The following PYGB variants were observed in gnomAD, a reference collection of about 807,000 sequenced individuals.
The protein encoded by PYGB is glycogen phosphorylase B.
Under a neutral mutation model 94.3 loss-of-function variants are expected in PYGB, and 82 were observed. The ratio of observed to expected loss-of-function variants is 0.87; its 90% CI spans 0.73 to 1.04. PYGB has a LOEUF of 1.04. Among genes scored for constraint, PYGB ranks in the 50% least tolerant of loss-of-function variants. PYGB has a pLI of 0.00. For synonymous variants in PYGB, 488 were observed against 479.1 expected, an observed-to-expected ratio of 1.02 and a Z score of -0.24; for missense variants, 1,132 against 1,158.2, an observed-to-expected ratio of 0.98 and a Z score of 0.33.
intron 2 of PYGB, among the ~76,000 whole-genome samples, chr20:25,260,845 T>G (rs1389499719): frequency 6.6e-6 from 1 of 152,204 alleles, no homozygotes; most frequent in Non-Finnish European, 1.5e-5. Context: ...CGCACCAGGC[T>G]CAGAGGGTCC....
At chr20:25,277,538 C>A (rs996750739) in intron 7 of PYGB, among the ~76,000 whole-genome samples, 5 of 152,190 alleles carry the variant, frequency 3.3e-5, no homozygotes, top group African/African-American at 1.2e-4. Flanking sequence ...TCGTGTGCCT[C>A]TTGGCAGCTC....
intron 4 of PYGB, among the ~76,000 whole-genome samples, chr20:25,274,125 T>C (rs1452988289): frequency 2.6e-5 from 4 of 152,242 alleles, no homozygotes. Flanking sequence ...CTGTCTATCT[T>C]GAGAACATTT....
intron 8 of PYGB, 129 bp from the exon 9 acceptor site, chr20:25,278,928 G>A: frequency 1.2e-6 from 1 of 821,852 alleles, no homozygotes; most frequent in Non-Finnish European, 1.9e-6. Flanking sequence ...ACCCCTCCCT[G>A]TTCTCCAGGC....
chr20:25,277,830 A>G (rs991503003), intron 7 of PYGB, among the ~76,000 whole-genome samples: 3 of 152,254 alleles, frequency 2.0e-5, no homozygotes, highest in Non-Finnish European at 2.9e-5. Flanking sequence ...TGCCACCTGC[A>G]TTTAGTGCCC....
At chr20:25,255,695 A>G (rs2092900856) in intron 1 of PYGB, among the ~76,000 whole-genome samples, 1 of 151,750 alleles carries the variant, frequency 6.6e-6, no homozygotes, top group South Asian at 2.1e-4. Context: ...ATCTGCCTGT[A>G]GAATGAGGCT....
chr20:25,287,897 C>T (rs1555807998), intron 14 of PYGB, among the ~76,000 whole-genome samples: 2 of 152,080 alleles, frequency 1.3e-5, no homozygotes, highest in Non-Finnish European at 1.5e-5. Context: ...GGGAGGATTG[C>T]TTGAACCTGG....
intron 17 of PYGB, among the ~76,000 whole-genome samples, chr20:25,293,053 C>A (rs2088485291): frequency 6.6e-6 from 1 of 151,480 alleles, no homozygotes. Flanking sequence ...TTGAGGTTCC[C>A]TGGTCTAAGT....
At chr20:25,278,520 T>G (rs2123566600) in intron 8 of PYGB, 58 bp downstream of exon 8, 1 of 1,595,134 alleles carries the variant, frequency 6.3e-7, no homozygotes, top group Non-Finnish European at 8.6e-7. Flanking sequence ...TTCAGGCTCT[T>G]GAGGTTGCTT....
Position 25,296,482 on chromosome 20 carries a change from C to G in PYGB, c.2492C>G (p.Ser831Cys). The G allele has an allele frequency of 1.9e-6, 3 of 1,613,848 alleles. No individual in the cohort carries two copies. The highest frequency in any genetic ancestry group is 2.5e-6 in the Non-Finnish European group (3 of 1,180,004). ...YAREIWGVEP[S>C]DLQIPPPNIP... The stretch of plus-strand genomic sequence containing the variant: ...CGGGAGATCTGGGGTGTGGAGCCCT[C>G]CGACCTGCAGATCCCGCCCCCCAAC... Residue 831 changes from serine to cysteine, a missense_variant, in exon 20 of 20, where the codon TCC (serine) becomes TGC (cysteine). Coordinates refer to ENST00000216962, the MANE Select transcript of PYGB (RefSeq NM_002862.4).
intron 12 of PYGB, among the ~76,000 whole-genome samples, chr20:25,282,948 C>T (rs1010653723): frequency 2.0e-5 from 3 of 152,094 alleles, no homozygotes; most frequent in South Asian, 4.2e-4. Context: ...TTCCTGTGGA[C>T]GTTTGAACTG....
chr20:25,253,793 G>C (rs1263133222), intron 1 of PYGB, among the ~76,000 whole-genome samples: 1 of 152,154 alleles, frequency 6.6e-6, no homozygotes, highest in African/African-American at 2.4e-5. Context: ...GGATTCCCCA[G>C]ATGTTAAACA....
chr20:25,271,317 C>A (rs1362721653), intron 3 of PYGB, 66 bp from the exon 4 acceptor site: 8 of 1,480,528 alleles, frequency 5.4e-6, no homozygotes, highest in Admixed American at 1.7e-5. Context: ...GCCCTGTGGG[C>A]TGCCTCCGCA....
At position 25,282,113 on chromosome 20, in the gene PYGB, TG is replaced by T; in HGVS notation, c.1485del (p.Cys496AlafsTer18). On this transcript the variant is annotated frameshift_variant, in exon 12 of 20. Coordinates refer to ENST00000216962, the MANE Select transcript of PYGB (RefSeq NM_002862.4). LOFTEE classifies it high-confidence loss of function. Reference sequence around the variant, plus strand: ...ATCACCCCCCGCCGGTGGCTGCTGCTGTGCAACCCGGGGCTGGCCGATACCA... The same window carrying T: ...ATCACCCCCCGCCGGTGGCTGCTGCTTGCAACCCGGGGCTGGCCGATACCA... ...NGITPRRWLL[L>X]CNPGLADTIV... is the part of the protein sequence containing the mutation. 6.2e-7 allele frequency: 1 copy of T among 1,613,540 alleles called. No homozygotes were observed. The highest frequency in any genetic ancestry group is 1.1e-5 in the South Asian group (1 of 91,062).
rs1250900858 is a variant in PYGB, at chr20:25,248,096, G to GCCAGAGCAGCTGCA, written c.-79_-66dup. The stretch of plus-strand genomic sequence containing the variant: ...CAGTGCCGGGCGCCAGAGCAGCGGC[G>GCCAGAGCAGCTGCA]CCAGAGCAGCTGCACCATCCCGGCG... On this transcript the variant is annotated 5_prime_UTR_variant, in exon 1 of 20. Coordinates refer to ENST00000216962, the MANE Select transcript of PYGB (RefSeq NM_002862.4). 15 of 1,362,036 alleles carry GCCAGAGCAGCTGCA rather than the reference G, an allele frequency of 1.1e-5. No homozygotes were observed. In the African/African-American group the frequency reaches 1.5e-4, roughly 13 times the overall value. 84.4% of individuals were successfully genotyped at this position (1,362,036 alleles called of 1,614,324 possible).
In PYGB at chr20:25,259,619, C is replaced by T. The variant is rs190842126; in HGVS notation, c.345+281C>T. ...GCCATCCCACACCCCACCCCACCTC[C>T]GGGGCGGATTTAGAGCACTGCACCA... On this transcript the variant is annotated intron_variant, in intron 2 of 19. Coordinates refer to ENST00000216962, the MANE Select transcript of PYGB (RefSeq NM_002862.4). Among the ~76,000 whole-genome samples, 427 of 152,288 alleles carry T rather than the reference C, an allele frequency of 2.8e-3. 1 individual carries two copies. The highest frequency in any genetic ancestry group is 4.3e-3 in the Non-Finnish European group (293 of 68,024).
At chr20:25,283,389 G>A (rs2088387316) in intron 13 of PYGB, 112 bp downstream of exon 13, 7 of 884,786 alleles carry the variant, frequency 7.9e-6, no homozygotes, top group Non-Finnish European at 1.2e-5. Context: ...TACCCACTGG[G>A]GCTTTAGTGG....
At chr20:25,267,658 G>T (rs959387184) in intron 2 of PYGB, among the ~76,000 whole-genome samples, 2 of 152,140 alleles carry the variant, frequency 1.3e-5, no homozygotes, top group African/African-American at 2.4e-5. Flanking sequence ...AGCCTCCCGA[G>T]TAGCTGGGAC....
chr20:25,288,427 A>T lies in PYGB; in HGVS notation c.1771A>T (p.Ile591Phe). ...CLHVVTLYNR[I>F]KRDPAKAFVP... ...AGTCTCTTCCGTGTGTCCTGCAGGA[A>T]TCAAGAGAGACCCGGCCAAGGCTTT... The change falls in exon 15 of 20, where the codon ATC (isoleucine) becomes TTC (phenylalanine). Residue 591 changes from isoleucine to phenylalanine, a missense_variant and splice_region_variant. Coordinates refer to ENST00000216962, the MANE Select transcript of PYGB (RefSeq NM_002862.4). 6.2e-7 allele frequency: 1 copy of T among 1,614,102 alleles called. No individual in the cohort carries two copies. Among genetic ancestry groups the T allele is most frequent in the Non-Finnish European group, 8.5e-7 (1 of 1,180,018 alleles).
chr20:25,283,423 G>A, intron 13 of PYGB, 146 bp downstream of exon 13: 1 of 691,902 alleles, frequency 1.4e-6, no homozygotes, highest in South Asian at 2.0e-5. Flanking sequence ...GACTGAGGGT[G>A]AGGCTGTTAG....
Sources: allele counts gnomAD v4.1 joint callset (sites outside exome capture counted in the v4.1 genomes callset), GRCh38; gene constraint gnomAD v4.1.1; transcripts MANE v1.5; gene names NCBI Gene and HGNC (gene_info 2026-07-23, HGNC 2026-07-21).